Variants in DMRT1 observed in about 807,000 individuals in gnomAD.
The protein encoded by DMRT1 is doublesex- and mab-3-related transcription factor 1.
In DMRT1, 7 loss-of-function variants were observed where a neutral mutation model predicts 32.3. The ratio of observed to expected loss-of-function variants is 0.22; its 90% CI spans 0.12 to 0.41. The LOEUF is 0.41. Ranked by LOEUF, DMRT1 falls within the 10% of genes least tolerant of loss-of-function variation. DMRT1 has a pLI of 1.00. For synonymous variants in DMRT1, 278 were observed against 206.1 expected, an observed-to-expected ratio of 1.35 and a Z score of -2.99; for missense variants, 625 against 500.5, an observed-to-expected ratio of 1.25 and a Z score of -2.37.
chr9:914,575 A>G (rs1455165712), intron 3 of DMRT1, among the ~76,000 whole-genome samples: 1 of 116,390 alleles, frequency 8.6e-6, no homozygotes, highest in Non-Finnish European at 1.5e-5. Flanking sequence ...CTCTGTCTCA[A>G]AAAAAAAAAA....
At chr9:851,754 T>A (rs1182718305) in intron 2 of DMRT1, among the ~76,000 whole-genome samples, 1 of 152,184 alleles carries the variant, frequency 6.6e-6, no homozygotes, top group Non-Finnish European at 1.5e-5. Context: ...CTAAAATCTT[T>A]AGCCAAAGAT....
intron 4 of DMRT1, among the ~76,000 whole-genome samples, chr9:943,751 T>G (rs1036980463): frequency 3.3e-5 from 5 of 152,200 alleles, no homozygotes; most frequent in African/African-American, 1.2e-4. Flanking sequence ...AATTTACTGA[T>G]GAAGGACCCC....
intron 4 of DMRT1, among the ~76,000 whole-genome samples, chr9:924,655 C>T (rs1226140693): frequency 1.3e-5 from 2 of 152,088 alleles, no homozygotes; most frequent in Admixed American, 1.3e-4. Context: ...TCATGGTCTG[C>T]CGAGTGAGGA....
At chr9:886,624 G>A (rs1182287634) in intron 2 of DMRT1, among the ~76,000 whole-genome samples, 1 of 152,014 alleles carries the variant, frequency 6.6e-6, no homozygotes, top group African/African-American at 2.4e-5. Flanking sequence ...ATGGTTGGGG[G>A]AGCTTATTAA....
At chr9:911,245 T>G (rs1238721189) in intron 3 of DMRT1, among the ~76,000 whole-genome samples, 1 of 152,048 alleles carries the variant, frequency 6.6e-6, no homozygotes, top group Admixed American at 6.6e-5. Flanking sequence ...CTTGTCACAA[T>G]CAAAAGCGTC....
intron 3 of DMRT1, among the ~76,000 whole-genome samples, chr9:902,135 C>G (rs1817607713): frequency 6.6e-6 from 1 of 151,756 alleles, no homozygotes; most frequent in Admixed American, 6.6e-5. Flanking sequence ...GTCTCAAACT[C>G]CTGACCTCAG....
At chr9:893,826 A>G in intron 2 of DMRT1, 86 bp from the exon 3 acceptor site, 1 of 1,272,160 alleles carries the variant, frequency 7.9e-7, no homozygotes, top group Non-Finnish European at 1.1e-6. Context: ...CTTGCTCCGC[A>G]GGTCTTGGGT....
At chr9:854,111 C>CT (rs146472011) in intron 2 of DMRT1, among the ~76,000 whole-genome samples, 51,284 of 144,016 alleles carry the variant, frequency 0.36, 9,343 homozygotes, top group East Asian at 0.59. Flanking sequence ...ACACTAAGCC[C>CT]ATTTTTTTTT....
chr9:866,194 G>T (rs80294942), intron 2 of DMRT1, among the ~76,000 whole-genome samples: 1 of 141,648 alleles, frequency 7.1e-6, no homozygotes, highest in Non-Finnish European at 1.5e-5. Flanking sequence ...AAAGACAGTG[G>T]TGGGTGTTTT....
At chr9:885,541 G>T (rs1360324401) in intron 2 of DMRT1, among the ~76,000 whole-genome samples, 1 of 152,228 alleles carries the variant, frequency 6.6e-6, no homozygotes, top group African/African-American at 2.4e-5. Flanking sequence ...TGACCTGCCA[G>T]TGCCTATCAG....
At chr9:938,261 C>T (rs1191595194) in intron 4 of DMRT1, among the ~76,000 whole-genome samples, 1 of 152,024 alleles carries the variant, frequency 6.6e-6, no homozygotes, top group African/African-American at 2.4e-5. Context: ...TTTGATGTGC[C>T]TTGGAATTCC....
intron 2 of DMRT1, among the ~76,000 whole-genome samples, chr9:862,801 G>A (rs1815778603): frequency 6.6e-6 from 1 of 152,140 alleles, no homozygotes; most frequent in Non-Finnish European, 1.5e-5. Flanking sequence ...GCACTAGGTG[G>A]TTGGGGTTTT....
At chr9:869,319 G>C (rs1006351441) in intron 2 of DMRT1, among the ~76,000 whole-genome samples, 4 of 152,052 alleles carry the variant, frequency 2.6e-5, no homozygotes, top group Non-Finnish European at 4.4e-5. Context: ...GTGGCTCAAG[G>C]CATTGGCATG....
At chr9:915,500 G>GCCACTT (rs1051982091) in intron 3 of DMRT1, among the ~76,000 whole-genome samples, 5 of 151,930 alleles carry the variant, frequency 3.3e-5, no homozygotes, top group African/African-American at 1.2e-4. Flanking sequence ...ACATGCAGCT[G>GCCACTT]CCACTGGAGG....
intron 2 of DMRT1, among the ~76,000 whole-genome samples, chr9:863,508 C>T (rs1815821536): frequency 6.6e-6 from 1 of 152,088 alleles, no homozygotes; most frequent in Non-Finnish European, 1.5e-5. Flanking sequence ...TACAGGCTAG[C>T]AACAGCCCTC....
intron 4 of DMRT1, among the ~76,000 whole-genome samples, chr9:951,913 T>G (rs549383293): frequency 2.0e-5 from 3 of 152,330 alleles, no homozygotes; most frequent in African/African-American, 7.2e-5. Context: ...TCTGCTCTCT[T>G]CTTACAGGAA....
chr9:887,990 A>C (rs1816996170), intron 2 of DMRT1, among the ~76,000 whole-genome samples: 1 of 152,240 alleles, frequency 6.6e-6, no homozygotes, highest in South Asian at 2.1e-4. Context: ...GTCAAGAATA[A>C]ATGATTTTTG....
intron 4 of DMRT1, among the ~76,000 whole-genome samples, chr9:950,047 T>C (rs112620668): frequency 1.3e-5 from 2 of 152,282 alleles, no homozygotes; most frequent in African/African-American, 4.8e-5. Flanking sequence ...CTTTTCAAGA[T>C]CCTGATTTCA....
intron 4 of DMRT1, among the ~76,000 whole-genome samples, chr9:966,753 C>A (rs993836960): frequency 6.6e-6 from 1 of 152,220 alleles, no homozygotes; most frequent in African/African-American, 2.4e-5. Flanking sequence ...GTAAAAAGGT[C>A]TCTTTTCAGC....
Sources: allele counts gnomAD v4.1 joint callset (sites outside exome capture counted in the v4.1 genomes callset), GRCh38; gene constraint gnomAD v4.1.1; transcripts MANE v1.5; gene names NCBI Gene and HGNC (gene_info 2026-07-23, HGNC 2026-07-21).